GALNTL6: variants seen among roughly 807,000 people sequenced by gnomAD.
The protein encoded by GALNTL6 is polypeptide N-acetylgalactosaminyltransferase-like 6.
GALNTL6 carries 46 observed loss-of-function variants against 73.7 expected under a neutral mutation model. That is an observed-to-expected ratio of 0.62 (90% CI 0.49 to 0.80). The LOEUF is 0.80. Among genes scored for constraint, GALNTL6 ranks in the 30% least tolerant of loss-of-function variants. The probability of loss-of-function intolerance (pLI) is 0.00; values close to 1 mark genes in which losing one functional copy is unlikely to be tolerated. For synonymous variants in GALNTL6, 259 were observed against 263.7 expected (o/e 0.98, Z 0.17); for missense variants, 604 against 755.0 (o/e 0.80, Z 2.34).
chr4:172,770,566 A>C (rs1469900090), intron 5 of GALNTL6, among the ~76,000 whole-genome samples: 1 of 152,238 alleles, frequency 6.6e-6, no homozygotes, highest in Non-Finnish European at 1.5e-5. Flanking sequence ...TTGGTGCAAA[A>C]GTATAAAAAG....
intron 7 of GALNTL6, among the ~76,000 whole-genome samples, chr4:172,878,934 T>C (rs551642701): frequency 6.6e-6 from 1 of 151,944 alleles, no homozygotes; most frequent in Admixed American, 6.6e-5. Context: ...AGTATTTAGA[T>C]AATACAAATC....
intron 8 of GALNTL6, among the ~76,000 whole-genome samples, chr4:172,890,286 T>C (rs902471244): frequency 1.3e-5 from 2 of 152,200 alleles, no homozygotes; most frequent in African/African-American, 2.4e-5. Flanking sequence ...TTTATTTTTT[T>C]CTGCTAATTT....
At chr4:172,971,822 A>G (rs1750596915) in intron 10 of GALNTL6, among the ~76,000 whole-genome samples, 1 of 152,306 alleles carries the variant, frequency 6.6e-6, no homozygotes, top group South Asian at 2.1e-4. Context: ...GACCTTCTAG[A>G]TAACAGTAAA....
intron 2 of GALNTL6, among the ~76,000 whole-genome samples, chr4:172,011,821 T>C (rs1741016280): frequency 6.6e-6 from 1 of 151,662 alleles, no homozygotes; most frequent in Non-Finnish European, 1.5e-5. Context: ...ATAAGAAAAA[T>C]AAAAAACTAA....
At position 172,952,187 on chromosome 4, in the gene GALNTL6, A is replaced by G; in HGVS notation, c.1300A>G (p.Met434Val). The G allele has an allele frequency of 1.2e-6, 2 of 1,614,072 alleles. No homozygotes were observed. The highest frequency in any genetic ancestry group is 1.7e-6 in the Non-Finnish European group (2 of 1,179,996). The change falls in exon 10 of 13, where the codon ATG (methionine) becomes GTG (valine). Residue 434 changes from methionine (M) to valine (V), a missense_variant. Coordinates refer to ENST00000506823, the MANE Select transcript of GALNTL6 (RefSeq NM_001034845.3). ...CAAGTGCAAGGACTTCAAATGGTTC[A>G]TGGCTGCTGTGGCCTGGGACGTGCC... ...QLKCKDFKWF[M>V]AAVAWDVPKY...
intron 7 of GALNTL6, among the ~76,000 whole-genome samples, chr4:172,826,845 A>T (rs1015808654): frequency 1.3e-5 from 2 of 152,168 alleles, no homozygotes; most frequent in African/African-American, 2.4e-5. Context: ...TAAATTCCCA[A>T]TTCAAACTCA....
intron 2 of GALNTL6, among the ~76,000 whole-genome samples, chr4:172,019,025 T>C (rs1254602252): frequency 6.6e-6 from 1 of 152,150 alleles, no homozygotes; most frequent in African/African-American, 2.4e-5. Flanking sequence ...GATTCCCCAG[T>C]GGGATATGTT....
At chr4:171,931,207 G>A (rs189305444) in intron 2 of GALNTL6, among the ~76,000 whole-genome samples, 1 of 152,104 alleles carries the variant, frequency 6.6e-6, no homozygotes, top group Admixed American at 6.5e-5. Context: ...TTAGAGACAG[G>A]GCCTCATTCT....
intron 11 of GALNTL6, among the ~76,000 whole-genome samples, chr4:173,009,852 G>T (rs1399001907): frequency 1.3e-5 from 2 of 152,046 alleles, no homozygotes; most frequent in African/African-American, 4.8e-5. Context: ...ATTGATTTTT[G>T]TTTTGTTTGC....
intron 3 of GALNTL6, among the ~76,000 whole-genome samples, chr4:172,301,609 C>G (rs1005858262): frequency 6.6e-6 from 1 of 152,142 alleles, no homozygotes; most frequent in African/African-American, 2.4e-5. Context: ...AGCTGCAGGT[C>G]TGTTGGAGTT....
At chr4:171,869,119 A>G (rs1253795965) in intron 2 of GALNTL6, among the ~76,000 whole-genome samples, 1 of 152,220 alleles carries the variant, frequency 6.6e-6, no homozygotes, top group East Asian at 1.9e-4. Flanking sequence ...GGTATAGCTA[A>G]AAGATTTCTT....
At chr4:172,609,115 G>A (rs936623753) in intron 5 of GALNTL6, among the ~76,000 whole-genome samples, 2 of 152,056 alleles carry the variant, frequency 1.3e-5, no homozygotes, top group African/African-American at 4.8e-5. Context: ...TTCCTATTTT[G>A]TTGCCTTTTT....
chr4:171,865,081 G>T (rs988657945), intron 2 of GALNTL6, among the ~76,000 whole-genome samples: 1 of 151,862 alleles, frequency 6.6e-6, no homozygotes, highest in African/African-American at 2.4e-5. Flanking sequence ...GGGAGGCGGA[G>T]ATTGCCGTGA....
intron 7 of GALNTL6, among the ~76,000 whole-genome samples, chr4:172,869,630 C>T (rs1744824798): frequency 6.6e-6 from 1 of 152,170 alleles, no homozygotes; most frequent in Non-Finnish European, 1.5e-5. Context: ...ATAATGTGAA[C>T]TTATTTCCAA....
At position 172,182,462 on chromosome 4, in the gene GALNTL6, A is replaced by C. The variant is rs185969688; in HGVS notation, c.139-47194A>C. ...ACATTTCAGACAGAGACTAAGACTC[A>C]GATATCTTCTTTTTTTTTGAGATGG... is the stretch of plus-strand genomic sequence containing the variant. On this transcript the variant is annotated intron_variant, in intron 2 of 12. Coordinates refer to ENST00000506823, the MANE Select transcript of GALNTL6 (RefSeq NM_001034845.3). Among the ~76,000 whole-genome samples, 329 of 149,026 alleles carry C rather than the reference A, an allele frequency of 2.2e-3. 2 individuals are homozygous for C. Among genetic ancestry groups the C allele is most frequent in the East Asian group, 0.018 (94 of 5,180 alleles).
At chr4:172,391,278 C>A (rs185731689) in intron 5 of GALNTL6, among the ~76,000 whole-genome samples, 25 of 152,278 alleles carry the variant, frequency 1.6e-4, no homozygotes, top group African/African-American at 5.8e-4. Context: ...GCTGTGTCCT[C>A]ACCTTGCAGA....
At chr4:172,830,500 C>CA (rs1367419241) in intron 7 of GALNTL6, among the ~76,000 whole-genome samples, 20 of 152,164 alleles carry the variant, frequency 1.3e-4, no homozygotes, top group African/African-American at 4.1e-4. Context: ...GACAAAAGGT[C>CA]AAAATCTTTG....
chr4:173,022,030 AGAAGGAAGGAAGGAAGGAAG>A lies in GALNTL6; in HGVS notation c.1638+445_1638+464del, dbSNP rs750348404. 1.8e-3 allele frequency among the ~76,000 whole-genome samples: 122 copies of A among 69,236 alleles called. 1 individual carries two copies. The highest frequency in any genetic ancestry group is 0.014 in the East Asian group (40 of 2,788). The allele number at this position is 69,236 out of a possible 152,430, so 45.4% of individuals were successfully genotyped here. A position where few individuals can be genotyped will look rare whatever the true frequency, so the allele number is the denominator to read the frequency against. ...GAGAGAGAGAAAAGGAAGGAAGGAA[AGAAGGAAGGAAGGAAGGAAG>A]GAAGGAAGGAAGGAAGGAAGGAAGG... On this transcript the variant is annotated intron_variant, in intron 12 of 12. Coordinates refer to ENST00000506823, the MANE Select transcript of GALNTL6 (RefSeq NM_001034845.3).
intron 7 of GALNTL6, among the ~76,000 whole-genome samples, chr4:172,867,014 C>T (rs569830867): frequency 5.9e-5 from 9 of 152,276 alleles, no homozygotes; most frequent in African/African-American, 1.7e-4. Context: ...TGTCTCCAAA[C>T]TTCATGGAAA....
Sources: gnomAD v4.1 joint callset for allele counts (sites outside exome capture counted in the v4.1 genomes callset) on GRCh38, gnomAD v4.1.1 for gene constraint, MANE v1.5 for transcripts, NCBI Gene and HGNC (gene_info 2026-07-23, HGNC 2026-07-21) for gene names.